Variants in DRC11 observed in about 807,000 individuals in gnomAD.
DRC11 encodes IQ and AAA domain-containing protein 1.
At chr2:236,365,564 G>C in the DRC11 span, among the ~76,000 whole-genome samples, 1 of 152,144 alleles carries the variant, frequency 6.6e-6, no homozygotes, top group Admixed American at 6.5e-5. The surrounding 1 kb of genome is among the most constrained non-coding windows in gnomAD (Gnocchi z 7.4). Context: ...GGGAGTGGTA[G>C]AGGAAGGAGA....
At chr2:236,504,764 G>A in the DRC11 span, among the ~76,000 whole-genome samples, 13 of 152,320 alleles carry the variant, frequency 8.5e-5, no homozygotes, top group East Asian at 2.3e-3. The surrounding 1 kb of genome is among the most constrained non-coding windows in gnomAD (Gnocchi z 5.0). Flanking sequence ...TCTCATGATA[G>A]TGAGTTCTCA....
At chr2:236,497,139 A>T in the DRC11 span, 3 of 1,556,324 alleles carry the variant, frequency 1.9e-6, no homozygotes, top group Non-Finnish European at 2.6e-6. The surrounding 1 kb of genome is among the most constrained non-coding windows in gnomAD (Gnocchi z 5.1). Context: ...AAAGCAACTA[A>T]TAAGAAAACA....
At chr2:236,327,833 C>T in the DRC11 span, among the ~76,000 whole-genome samples, 1 of 152,110 alleles carries the variant, frequency 6.6e-6, no homozygotes, top group Non-Finnish European at 1.5e-5. Context: ...CAGGCATGTG[C>T]CACCACGTCC....
the DRC11 span, among the ~76,000 whole-genome samples, chr2:236,446,487 C>G: frequency 2.6e-5 from 4 of 152,298 alleles, no homozygotes; most frequent in South Asian, 6.2e-4. The surrounding 1 kb of genome is among the most constrained non-coding windows in gnomAD (Gnocchi z 6.2). Context: ...AAGTGGAAAC[C>G]AAAGTCTCTG....
chr2:236,389,647 T>C, the DRC11 span, among the ~76,000 whole-genome samples: 1 of 152,360 alleles, frequency 6.6e-6, no homozygotes, highest in East Asian at 1.9e-4. Flanking sequence ...CTGGGAGCTG[T>C]AGGCCGGAGC....
At chr2:236,380,998 G>A in the DRC11 span, among the ~76,000 whole-genome samples, 1 of 152,170 alleles carries the variant, frequency 6.6e-6, no homozygotes, top group Admixed American at 6.5e-5. The surrounding 1 kb of genome is among the most constrained non-coding windows in gnomAD (Gnocchi z 4.9). Flanking sequence ...TTTGGTGCCT[G>A]ATATAAGCTG....
the DRC11 span, among the ~76,000 whole-genome samples, chr2:236,487,485 G>A: frequency 6.6e-6 from 1 of 151,724 alleles, no homozygotes. Context: ...GTGTTTCCCT[G>A]TAAGTAACCC....
the DRC11 span, among the ~76,000 whole-genome samples, chr2:236,454,342 C>T: frequency 1.5e-3 from 231 of 152,292 alleles, 6 homozygotes; most frequent in East Asian, 0.042. The surrounding 1 kb of genome is among the most constrained non-coding windows in gnomAD (Gnocchi z 5.3). Context: ...TGCACCTGTC[C>T]CTAAGGCCTC....
the DRC11 span, among the ~76,000 whole-genome samples, chr2:236,448,564 G>T: frequency 6.6e-6 from 1 of 152,030 alleles, no homozygotes. This position sits in a 1 kb window ranked among gnomAD's most constrained non-coding sequence, Gnocchi z 5.3. Flanking sequence ...TCGAACTCCT[G>T]AGCTCAAGTG....
the DRC11 span, among the ~76,000 whole-genome samples, chr2:236,371,422 T>C: frequency 1.3e-5 from 2 of 152,186 alleles, no homozygotes; most frequent in East Asian, 3.9e-4. The surrounding 1 kb of genome is among the most constrained non-coding windows in gnomAD (Gnocchi z 5.1). Context: ...GCATGACTTA[T>C]CTGGGTGCTG....
At chr2:236,323,844 C>T in the DRC11 span, among the ~76,000 whole-genome samples, 331 of 152,246 alleles carry the variant, frequency 2.2e-3, 8 homozygotes, top group East Asian at 0.032. The surrounding 1 kb of genome is among the most constrained non-coding windows in gnomAD (Gnocchi z 6.4). Flanking sequence ...CATCCTTACA[C>T]GATTTAAATT....
At chr2:236,394,298 G>T in the DRC11 span, among the ~76,000 whole-genome samples, 1 of 152,214 alleles carries the variant, frequency 6.6e-6, no homozygotes, top group African/African-American at 2.4e-5. The surrounding 1 kb of genome is among the most constrained non-coding windows in gnomAD (Gnocchi z 7.0). Context: ...CAGGACACCT[G>T]CAGGAAGACA....
At chr2:236,505,610 C>T in the DRC11 span, among the ~76,000 whole-genome samples, 1 of 152,144 alleles carries the variant, frequency 6.6e-6, no homozygotes, top group Non-Finnish European at 1.5e-5. Flanking sequence ...CTGATGCTGT[C>T]ACCACTGCCC....
chr2:236,456,538 CGA>C, the DRC11 span, among the ~76,000 whole-genome samples: 1 of 152,192 alleles, frequency 6.6e-6, no homozygotes, highest in Non-Finnish European at 1.5e-5. The surrounding 1 kb of genome is among the most constrained non-coding windows in gnomAD (Gnocchi z 5.4). Context: ...CTCAAGCCCC[CGA>C]GTTTTCCCAG....
At chr2:236,315,308 A>G in the DRC11 span, among the ~76,000 whole-genome samples, 1 of 152,214 alleles carries the variant, frequency 6.6e-6, no homozygotes, top group African/African-American at 2.4e-5. This position sits in a 1 kb window ranked among gnomAD's most constrained non-coding sequence, Gnocchi z 5.1. Context: ...CATGAACAAA[A>G]ATCAATTCCA....
At chr2:236,498,371 AG>A in the DRC11 span, among the ~76,000 whole-genome samples, 136 of 152,086 alleles carry the variant, frequency 8.9e-4, no homozygotes, top group African/African-American at 3.1e-3. Context: ...AGGCTGAGGC[AG>A]GGGAATCACT....
chr2:236,436,948 AT>A, the DRC11 span, among the ~76,000 whole-genome samples: 1 of 151,886 alleles, frequency 6.6e-6, no homozygotes, highest in Non-Finnish European at 1.5e-5. Context: ...TTAAAAATTT[AT>A]TATTATTATA....
chr2:236,331,801 T>C, the DRC11 span: 1 of 575,962 alleles, frequency 1.7e-6, no homozygotes, highest in South Asian at 2.1e-5. The surrounding 1 kb of genome is among the most constrained non-coding windows in gnomAD (Gnocchi z 4.8). Flanking sequence ...TACATATCAA[T>C]GACCCTGAGG....
chr2:236,396,323 G>GATTAAAAT, the DRC11 span, among the ~76,000 whole-genome samples: 1 of 149,590 alleles, frequency 6.7e-6, no homozygotes, highest in African/African-American at 2.5e-5. Flanking sequence ...TAATCTTAGT[G>GATTAAAAT]ATTAAAATGC....
Sources: allele counts gnomAD v4.1 joint callset (sites outside exome capture counted in the v4.1 genomes callset), GRCh38; gene constraint gnomAD v4.1.1; non-coding constraint Gnocchi (gnomAD v3.1); transcripts MANE v1.5; gene names NCBI Gene and HGNC (gene_info 2026-07-23, HGNC 2026-07-21).